SRD5A2: variants seen among roughly 807,000 people sequenced by gnomAD.
SRD5A2 encodes the protein steroid 5 alpha-reductase 2.
SRD5A2 carries 30 observed loss-of-function variants against 27.4 expected under a neutral mutation model. That is an observed-to-expected ratio of 1.10 (90% CI 0.82 to 1.49). The LOEUF is 1.49. Among genes scored for constraint, SRD5A2 ranks in the 40% most tolerant of loss-of-function variants. SRD5A2 has a pLI of 0.00. For synonymous variants in SRD5A2, 141 were observed against 133.6 expected (o/e 1.06, Z -0.38); for missense variants, 348 against 323.4 (o/e 1.08, Z -0.58).
chr2:31,603,094 C>T, the SRD5A2 span, among the ~76,000 whole-genome samples: 1 of 151,992 alleles, frequency 6.6e-6, no homozygotes, highest in Admixed American at 6.6e-5. Context: ...AGAGTTTTTG[C>T]ACAGCAAAAG....
At chr2:31,643,800 T>G in the SRD5A2 span, among the ~76,000 whole-genome samples, 2 of 152,142 alleles carry the variant, frequency 1.3e-5, no homozygotes, top group Admixed American at 1.3e-4. Context: ...ATCCACTGAG[T>G]GAAGTAAAAT....
chr2:31,621,686 C>T, the SRD5A2 span, among the ~76,000 whole-genome samples: 5 of 152,116 alleles, frequency 3.3e-5, no homozygotes, highest in African/African-American at 1.2e-4. Context: ...GACTAGAGTG[C>T]AGTGCCATGA....
the SRD5A2 span, among the ~76,000 whole-genome samples, chr2:31,593,269 A>T: frequency 1.7e-4 from 26 of 152,288 alleles, no homozygotes; most frequent in African/African-American, 5.8e-4. Flanking sequence ...ATAATAATAA[A>T]AAAAAGAAAT....
chr2:31,567,458 A>G (rs62141249), intron 1 of SRD5A2, among the ~76,000 whole-genome samples: 930 of 56,544 alleles, frequency 0.016, 5 homozygotes, highest in African/African-American at 0.04. Flanking sequence ...GTGTGTGTGT[A>G]TATATATATA....
chr2:31,532,129 T>C (rs1007892600), intron 2 of SRD5A2, among the ~76,000 whole-genome samples: 1 of 152,140 alleles, frequency 6.6e-6, no homozygotes, highest in East Asian at 1.9e-4. Context: ...ATGCTAAGAA[T>C]AGGGGAGACA....
At chr2:31,652,041 C>T in the SRD5A2 span, among the ~76,000 whole-genome samples, 4 of 152,186 alleles carry the variant, frequency 2.6e-5, no homozygotes, top group Non-Finnish European at 5.9e-5. Flanking sequence ...GGACTGCAGC[C>T]TCCGCCTCCA....
upstream of SRD5A2, chr2:31,581,148 G>A (rs781564993): frequency 6.0e-4 from 320 of 533,326 alleles, 1 homozygote; most frequent in Middle Eastern, 2.9e-3. Context: ...CCTCTCCACG[G>A]CTTTACATTC....
the SRD5A2 span, among the ~76,000 whole-genome samples, chr2:31,598,590 T>C: frequency 6.6e-6 from 1 of 152,020 alleles, no homozygotes; most frequent in Non-Finnish European, 1.5e-5. Flanking sequence ...CAAATAATGT[T>C]GTTATCCGCT....
chr2:31,626,797 G>T, the SRD5A2 span, among the ~76,000 whole-genome samples: 1 of 152,062 alleles, frequency 6.6e-6, no homozygotes, highest in Admixed American at 6.6e-5. Context: ...TGTTCATCAG[G>T]GATATTGGTC....
intron 1 of SRD5A2, among the ~76,000 whole-genome samples, chr2:31,554,100 T>C (rs1319020699): frequency 6.6e-6 from 1 of 152,176 alleles, no homozygotes; most frequent in Non-Finnish European, 1.5e-5. Flanking sequence ...TACTACTTGT[T>C]ATCTTCCAAG....
At chr2:31,581,086 G>T, upstream of SRD5A2, 1 of 628,484 alleles carries the variant, frequency 1.6e-6, no homozygotes, top group Non-Finnish European at 2.7e-6. Context: ...CCTTTCTCAA[G>T]GATGCAGCCG....
the SRD5A2 span, among the ~76,000 whole-genome samples, chr2:31,630,991 T>C: frequency 3.9e-4 from 60 of 152,304 alleles, no homozygotes; most frequent in Non-Finnish European, 7.5e-4. Context: ...TGCCTAATAA[T>C]TGGTCTGCTC....
rs1345041800 is a variant in SRD5A2, at chr2:31,525,365, G to A, written c.*831C>T. ...TTGCCACTAGTTTCCAAAAACATGA[G>A]AGTTTGCAATGTCTATTGTAAAACT... is the stretch of plus-strand genomic sequence containing the variant. On this transcript the variant is annotated 3_prime_UTR_variant, in exon 5 of 5. Transcript: ENST00000622030. 4.4e-6 allele frequency: 1 copy of A among 227,034 alleles called. No individual in the cohort carries two copies. Among genetic ancestry groups the A allele is most frequent in the African/African-American group, 2.2e-5 (1 of 44,994 alleles). The allele number at this position is 227,034 out of a possible 1,614,324, so 14.1% of individuals were successfully genotyped here. A position where few individuals can be genotyped will look rare whatever the true frequency, so the allele number is the denominator to read the frequency against.
In SRD5A2 at chr2:31,529,324, T is replaced by C; in HGVS notation, c.681A>G (p.Arg227=). Reference sequence around the variant, plus strand: ...AAATTTACCTATGGTGGTGAAAAGCTCGCAGCCCAAGGAAACAAAGTGAGA... The same window carrying C: ...AAATTTACCTATGGTGGTGAAAAGCCCGCAGCCCAAGGAAACAAAGTGAGA... ...AFFSLCFLGL[R]AFHHHRFYLK... is the part of the protein sequence containing the mutation. Residue 227 remains arginine, a synonymous_variant, in exon 4 of 5, where the codon CGA becomes CGG. Transcript: ENST00000622030. The C allele has an allele frequency of 6.2e-7, 1 of 1,613,898 alleles. No homozygotes were observed. The highest frequency in any genetic ancestry group is 1.1e-5 in the South Asian group (1 of 91,070).
the SRD5A2 span, among the ~76,000 whole-genome samples, chr2:31,616,808 G>T: frequency 6.6e-6 from 1 of 152,136 alleles, no homozygotes; most frequent in Admixed American, 6.5e-5. Flanking sequence ...GATTGGTTTT[G>T]AAATGTGAGG....
At chr2:31,597,948 C>T in the SRD5A2 span, among the ~76,000 whole-genome samples, 1 of 152,136 alleles carries the variant, frequency 6.6e-6, no homozygotes, top group South Asian at 2.1e-4. Flanking sequence ...ACTCCCACTA[C>T]TGGGTGTCTA....
chr2:31,645,823 T>C, the SRD5A2 span, among the ~76,000 whole-genome samples: 2 of 152,160 alleles, frequency 1.3e-5, no homozygotes, highest in Non-Finnish European at 2.9e-5. Flanking sequence ...GATTGATGTG[T>C]TTAGGTGTGT....
chr2:31,568,169 G>A (rs1338179636), intron 1 of SRD5A2, among the ~76,000 whole-genome samples: 2 of 152,194 alleles, frequency 1.3e-5, no homozygotes, highest in African/African-American at 2.4e-5. Context: ...AAGCCCCAAA[G>A]AGGGTGTCAT....
At chr2:31,657,957 G>A in the SRD5A2 span, among the ~76,000 whole-genome samples, 1 of 151,974 alleles carries the variant, frequency 6.6e-6, no homozygotes, top group South Asian at 2.1e-4. Flanking sequence ...AAGTAGAACA[G>A]TAAATACAAA....
Sources: gnomAD v4.1 joint callset for allele counts (sites outside exome capture counted in the v4.1 genomes callset) on GRCh38, gnomAD v4.1.1 for gene constraint, MANE v1.5 for transcripts, NCBI Gene and HGNC (gene_info 2026-07-23, HGNC 2026-07-21) for gene names.